Variants in FOXN3 observed in about 807,000 individuals in gnomAD.
The protein encoded by FOXN3 is forkhead box N3, also known as forkhead box protein N3.
Under a neutral mutation model 38.4 loss-of-function variants are expected in FOXN3, and 7 were observed. The observed-to-expected ratio is 0.18, with a 90% CI of 0.10 to 0.34. The LOEUF is 0.34. FOXN3 is among the 10% of genes least tolerant of loss of function. FOXN3 has a pLI of 1.00. For missense variants in FOXN3, 456 were observed against 613.4 expected, an observed-to-expected ratio of 0.74 and a Z score of 2.71; for synonymous variants, 230 against 242.2, an observed-to-expected ratio of 0.95 and a Z score of 0.47.
At chr14:89,488,088 CTTTT>C (rs35977508) in intron 1 of FOXN3, among the ~76,000 whole-genome samples, 2 of 137,624 alleles carry the variant, frequency 1.5e-5, no homozygotes, top group African/African-American at 2.7e-5. Flanking sequence ...AGGGGCTCTT[CTTTT>C]TTTTTTTTTT....
chr14:89,380,076 A>G (rs948067843), intron 2 of FOXN3, among the ~76,000 whole-genome samples: 2 of 152,168 alleles, frequency 1.3e-5, no homozygotes, highest in Non-Finnish European at 2.9e-5. Context: ...CTGCGTCCCC[A>G]TCCAAATCTC....
chr14:89,436,498 C>T (rs563280233), intron 1 of FOXN3, among the ~76,000 whole-genome samples: 1 of 152,202 alleles, frequency 6.6e-6, no homozygotes, highest in South Asian at 2.1e-4. Context: ...TCCCAGAGTC[C>T]CCCAAGTTTC....
At chr14:89,190,941 G>A (rs1260074188) in intron 4 of FOXN3, among the ~76,000 whole-genome samples, 1 of 152,046 alleles carries the variant, frequency 6.6e-6, no homozygotes. Flanking sequence ...TGTGTTTCAC[G>A]AGGTTATGTG....
chr14:89,593,521 AT>A (rs1303398829), intron 1 of FOXN3, among the ~76,000 whole-genome samples: 73 of 152,208 alleles, frequency 4.8e-4, no homozygotes, highest in African/African-American at 1.7e-3. Context: ...TAGTGTTCAC[AT>A]TATATAAACA....
At chr14:89,253,372 G>C (rs1885520904) in intron 4 of FOXN3, among the ~76,000 whole-genome samples, 1 of 152,160 alleles carries the variant, frequency 6.6e-6, no homozygotes, top group Admixed American at 6.5e-5. Context: ...GTCTTTGCAT[G>C]GCCTCAAGGT....
intron 1 of FOXN3, among the ~76,000 whole-genome samples, chr14:89,466,146 G>C (rs1238060475): frequency 6.6e-6 from 1 of 152,228 alleles, no homozygotes; most frequent in African/African-American, 2.4e-5. Flanking sequence ...AGCAACGACT[G>C]AATGCCTCTA....
At chr14:89,201,970 A>G (rs1234598806) in intron 4 of FOXN3, among the ~76,000 whole-genome samples, 1 of 152,246 alleles carries the variant, frequency 6.6e-6, no homozygotes, top group Non-Finnish European at 1.5e-5. Flanking sequence ...CGGCATCTTC[A>G]TTAACTCTGT....
chr14:89,602,686 C>T (rs1305224203), intron 1 of FOXN3, among the ~76,000 whole-genome samples: 3 of 151,760 alleles, frequency 2.0e-5, no homozygotes, highest in East Asian at 2.0e-4. Context: ...TTAGTAGAGA[C>T]GGGGTTTCAC....
intron 1 of FOXN3, among the ~76,000 whole-genome samples, chr14:89,413,838 GGGAGA>G (rs943244524): frequency 5.5e-5 from 8 of 145,838 alleles, no homozygotes; most frequent in African/African-American, 1.0e-4. Context: ...GGGAAGGGAG[GGGAGA>G]GGAGAGGAGG....
chr14:89,392,755 C>T (rs1214560934), intron 2 of FOXN3, among the ~76,000 whole-genome samples: 4 of 151,432 alleles, frequency 2.6e-5, no homozygotes, highest in East Asian at 3.9e-4. Flanking sequence ...ATTCTCCTGC[C>T]GCAGCCTCCT....
intron 3 of FOXN3, among the ~76,000 whole-genome samples, chr14:89,333,701 G>A (rs1328974414): frequency 4.6e-5 from 6 of 130,994 alleles, no homozygotes; most frequent in African/African-American, 1.8e-4. Flanking sequence ...GCAGTGAGCC[G>A]AGATGGCGCC....
chr14:89,601,834 C>T (rs1896159798), intron 1 of FOXN3, among the ~76,000 whole-genome samples: 1 of 152,182 alleles, frequency 6.6e-6, no homozygotes, highest in Non-Finnish European at 1.5e-5. Flanking sequence ...TATCTCCCTA[C>T]ATCCAGCCCC....
intron 1 of FOXN3, among the ~76,000 whole-genome samples, chr14:89,480,339 G>C (rs888995057): frequency 2.0e-5 from 3 of 151,892 alleles, no homozygotes; most frequent in Admixed American, 6.6e-5. Flanking sequence ...GGAGGCGGAG[G>C]TTGCAGTGAG....
intron 1 of FOXN3, among the ~76,000 whole-genome samples, chr14:89,595,409 G>A (rs1896038543): frequency 6.6e-6 from 1 of 151,472 alleles, no homozygotes; most frequent in Non-Finnish European, 1.5e-5. Context: ...TCTCAATAGT[G>A]TTTCATGGTT....
At chr14:89,328,230 G>A (rs1197519967) in intron 3 of FOXN3, among the ~76,000 whole-genome samples, 3 of 152,350 alleles carry the variant, frequency 2.0e-5, no homozygotes, top group African/African-American at 4.8e-5. Context: ...AGGATCCCAA[G>A]TAACCCGCAC....
At chr14:89,417,924 C>A, upstream of FOXN3, 1 of 339,550 alleles carries the variant, frequency 2.9e-6, no homozygotes, top group Non-Finnish European at 5.9e-6. Context: ...TTGTGCGGAA[C>A]GCCCCGGCCG....
chr14:89,366,926 T>C (rs900028573), intron 2 of FOXN3, among the ~76,000 whole-genome samples: 1 of 152,228 alleles, frequency 6.6e-6, no homozygotes, highest in Non-Finnish European at 1.5e-5. Flanking sequence ...AATGTGATCT[T>C]ATCAAATTGG....
rs184475937 is a variant in FOXN3 at position 89,496,873 on chromosome 14, G to A, written c.-14-84383C>T. 5.7e-4 allele frequency among the ~76,000 whole-genome samples: 86 copies of A among 152,174 alleles called. 1 individual carries two copies. The Middle Eastern group carries it at 0.027, about 48-fold the overall frequency. ...TTCTACCTCATAAAAGTGGAACCACGGAATATTTGCCTTTTTGTGACTGGC... is the reference window on the plus strand; with the variant it reads ...TTCTACCTCATAAAAGTGGAACCACAGAATATTTGCCTTTTTGTGACTGGC... On this transcript the variant is annotated intron_variant, in intron 1 of 6. Coordinates refer to the FOXN3 transcript ENST00000345097.
intron 1 of FOXN3, among the ~76,000 whole-genome samples, chr14:89,533,391 C>T (rs370814181): frequency 3.9e-5 from 6 of 152,134 alleles, no homozygotes; most frequent in Non-Finnish European, 8.8e-5. Flanking sequence ...TGGCTGGGCG[C>T]GGTGGCTCAC....
Sources: gnomAD v4.1 joint callset for allele counts (sites outside exome capture counted in the v4.1 genomes callset) on GRCh38, gnomAD v4.1.1 for gene constraint, MANE v1.5 for transcripts, NCBI Gene and HGNC (gene_info 2026-07-23, HGNC 2026-07-21) for gene names.